The following AKAP5 variants were observed in gnomAD, a reference collection of about 807,000 sequenced individuals.
The protein encoded by AKAP5 is A-kinase anchoring protein 5.
AKAP5 carries 5 observed loss-of-function variants against 13.8 expected under a neutral mutation model. The ratio of observed to expected loss-of-function variants is 0.36; its 90% confidence interval spans 0.19 to 0.76. The LOEUF (loss-of-function observed/expected upper bound fraction) is 0.76. Ranked by LOEUF, AKAP5 falls within the 30% of genes least tolerant of loss-of-function variation. The pLI, the probability that AKAP5 is intolerant of heterozygous loss-of-function variation, is 0.51. For synonymous variants in AKAP5, 148 were observed against 167.2 expected, an observed-to-expected ratio of 0.89 and a Z score of 0.89; for missense variants, 406 against 484.4, an observed-to-expected ratio of 0.84 and a Z score of 1.52.
In AKAP5 at chr14:64,469,686, T is replaced by C; in HGVS notation, c.*8T>C. The C allele has an allele frequency of 6.5e-7, 1 of 1,533,562 alleles. No individual in the cohort carries two copies. The highest frequency in any genetic ancestry group is 8.8e-7 in the Non-Finnish European group (1 of 1,142,254). The allele number at this position is 1,533,562 out of a possible 1,614,324, so 95.0% of individuals were successfully genotyped here. ...AACAATCTTCTACAGTGACTTACTC[T>C]CCAGAGTCACGGCAGAAAAAACAAG... On this transcript the variant is annotated 3_prime_UTR_variant, in exon 2 of 2. Coordinates refer to ENST00000394718, the MANE Select transcript of AKAP5 (RefSeq NM_004857.3).
rs774740293 is a variant in AKAP5 at position 64,469,564 on chromosome 14, A to G, written c.1170A>G (p.Thr390=). ...FEDRTSEQYE[T]LLIETASSLV... Reference sequence around the variant, plus strand: ...ATAGAACTTCAGAACAATATGAAACACTCTTAATTGAAACAGCCTCTTCTC... The same window carrying G: ...ATAGAACTTCAGAACAATATGAAACGCTCTTAATTGAAACAGCCTCTTCTC... The change falls in exon 2 of 2, where the codon ACA becomes ACG. Residue 390 remains threonine (T), a synonymous_variant. Transcript: ENST00000394718. 2 of 1,613,772 alleles carry G rather than the reference A, an allele frequency of 1.2e-6. No individual in the cohort carries two copies. The highest frequency in any genetic ancestry group is 1.7e-6 in the Non-Finnish European group (2 of 1,179,896).
In AKAP5 at chr14:64,469,402, G is replaced by C. The variant is rs773564329; in HGVS notation, c.1008G>C (p.Glu336Asp). The C allele has an allele frequency of 2.5e-6, 4 of 1,613,800 alleles. No individual in the cohort carries two copies. The highest frequency in any genetic ancestry group is 2.5e-6 in the Non-Finnish European group (3 of 1,179,972). The change falls in exon 2 of 2, where the codon GAG (glutamate) becomes GAC (aspartate). Residue 336 changes from glutamate to aspartate, a missense_variant. Transcript: ENST00000394718. ...AATCAGAAGAAAGCAAAAGAATGGA[G>C]CCAATTGCTATTATTATTACAGACA... ...KSKSEESKRM[E>D]PIAIIITDTE...
In AKAP5 at chr14:64,469,172, C is replaced by G; in HGVS notation, c.778C>G (p.Pro260Ala). Residue 260 changes from proline (P) to alanine (A), a missense_variant, in exon 2 of 2, where the codon CCA becomes GCA. Transcript: ENST00000394718. ...AACTTCAGAAACAGACCATCAGCAG[C>G]CAGTACTTTCTGATGTTCCTCCTTT... Reference protein sequence around the residue: ...LETSETDHQQPVLSDVPPLPA... With the variant: ...LETSETDHQQAVLSDVPPLPA... The G allele has an allele frequency of 6.2e-7, 1 of 1,614,118 alleles. No individual in the cohort carries two copies. The highest frequency in any genetic ancestry group is 8.5e-7 in the Non-Finnish European group (1 of 1,180,036).
intron 1 of AKAP5, chr14:64,467,618 A>G (rs1596587121): frequency 6.6e-6 from 1 of 152,046 alleles, no homozygotes; most frequent in African/African-American, 2.4e-5. Flanking sequence ...CAAAGTCTCT[A>G]GTTCTAACTC....
At position 64,470,908 on chromosome 14, in the gene AKAP5, A is replaced by G. The variant is rs1011320325; in HGVS notation, c.*1230A>G. On this transcript the variant is annotated 3_prime_UTR_variant, in exon 2 of 2. Coordinates refer to ENST00000394718, the MANE Select transcript of AKAP5 (RefSeq NM_004857.3). The stretch of plus-strand genomic sequence containing the variant: ...GCCATATTCATCAACTTCTCTCCAA[A>G]GAGGGGAGAGTAGATTCAAAGCCAG... 15 of 167,028 alleles carry G rather than the reference A, an allele frequency of 9.0e-5. No individual in the cohort carries two copies. Among genetic ancestry groups the G allele is most frequent in the African/African-American group, 3.6e-4 (15 of 41,426 alleles). The allele number at this position is 167,028 out of a possible 1,614,324, so 10.3% of individuals were successfully genotyped here.
At chr14:64,467,222 A>C (rs1024621292) in intron 1 of AKAP5, 1 of 152,248 alleles carries the variant, frequency 6.6e-6, no homozygotes. Flanking sequence ...TCTTGTGTTA[A>C]TCTGAGCTCT....
Position 64,468,620 on chromosome 14 carries a change from C to CG in AKAP5, c.232dup (p.Ala78GlyfsTer27). 6.2e-7 allele frequency: 1 copy of CG among 1,613,840 alleles called. No homozygotes were observed. The stretch of plus-strand genomic sequence containing the variant: ...AGCTTCTGATCAGCCAGAGCCCACA[C>CG]GGGGGGCCTGGGCCTCACTCAAACG... On this transcript the variant is annotated frameshift_variant, in exon 2 of 2. Transcript: ENST00000394718. LOFTEE classifies it low-confidence loss of function (END_TRUNC).
chr14:64,468,612 A>G lies in AKAP5; in HGVS notation c.218A>G (p.Glu73Gly), dbSNP rs535755627. 6.2e-7 allele frequency: 1 copy of G among 1,613,926 alleles called. No homozygotes were observed. Among genetic ancestry groups the G allele is most frequent in the South Asian group, 1.1e-5 (1 of 91,090 alleles). The change falls in exon 2 of 2, where the codon GAG (glutamate) becomes GGG (glycine). Residue 73 changes from glutamate (E) to glycine (G), a missense_variant. Physicochemically the swap from Glu to Gly is moderately conservative, Grantham distance 98. Coordinates refer to ENST00000394718, the MANE Select transcript of AKAP5 (RefSeq NM_004857.3). ...PQEAGASDQP[E>G]PTRGAWASLK... ...GAAGCAGGAGCTTCTGATCAGCCAG[A>G]GCCCACACGGGGGGCCTGGGCCTCA...
chr14:64,470,791 G>A lies in AKAP5; in HGVS notation c.*1113G>A, dbSNP rs1472257157. 1 of 166,854 alleles carries A rather than the reference G, an allele frequency of 6.0e-6. No individual in the cohort carries two copies. The highest frequency in any genetic ancestry group is 1.9e-4 in the East Asian group (1 of 5,194). The allele number at this position is 166,854 out of a possible 1,614,324, so 10.3% of individuals were successfully genotyped here. ...TGAAACAGCAAAAACAAAACAAGGG[G>A]AATATTATTCTTCATCCAGGAGAAG... On this transcript the variant is annotated 3_prime_UTR_variant, in exon 2 of 2. Coordinates refer to ENST00000394718, the MANE Select transcript of AKAP5 (RefSeq NM_004857.3).
In AKAP5 at chr14:64,469,538, G is replaced by C; in HGVS notation, c.1144G>C (p.Asp382His). 1.9e-6 allele frequency: 3 copies of C among 1,613,940 alleles called. No individual in the cohort carries two copies. Among genetic ancestry groups the C allele is most frequent in the Non-Finnish European group, 1.7e-6 (2 of 1,179,976 alleles). Residue 382 changes from aspartate to histidine, a missense_variant, in exon 2 of 2, where the codon GAT becomes CAT. Coordinates refer to ENST00000394718, the MANE Select transcript of AKAP5 (RefSeq NM_004857.3). ...GVFANDNGFE[D>H]RTSEQYETLL... ...TTTTGCTAATGATAATGGTTTTGAG[G>C]ATAGAACTTCAGAACAATATGAAAC...
In AKAP5 at chr14:64,473,927, G is replaced by C. The variant is rs2078698059; in HGVS notation, c.*4249G>C. 6.0e-6 allele frequency: 1 copy of C among 166,594 alleles called. No individual in the cohort carries two copies. Among genetic ancestry groups the C allele is most frequent in the African/African-American group, 2.4e-5 (1 of 41,448 alleles). 10.3% of individuals were successfully genotyped at this position (166,594 alleles called of 1,614,324 possible). A position where few individuals can be genotyped will look rare whatever the true frequency, so the allele number is the denominator to read the frequency against. ...ACATTTTGAAAAGAAAATTTGTAAT[G>C]CTCCTTAGTTACAAAAATTAGAAGG... On this transcript the variant is annotated 3_prime_UTR_variant, in exon 2 of 2. Coordinates refer to ENST00000394718, the MANE Select transcript of AKAP5 (RefSeq NM_004857.3).
At chr14:64,467,462 T>C (rs1350106016) in intron 1 of AKAP5, 1 of 152,190 alleles carries the variant, frequency 6.6e-6, no homozygotes, top group Non-Finnish European at 1.5e-5. Context: ...TAAATGAAAA[T>C]GTCAAAATTG....
rs779494378 is a variant in AKAP5, at chr14:64,468,814, T to C, written c.420T>C (p.Asn140=). The change falls in exon 2 of 2, where the codon AAT becomes AAC. Residue 140 remains asparagine (N), a synonymous_variant. Coordinates refer to ENST00000394718, the MANE Select transcript of AKAP5 (RefSeq NM_004857.3). The stretch of plus-strand genomic sequence containing the variant: ...TCCCAAGAGGGCCAAAAAGGAGTAA[T>C]CATTCCAAAATTATAGAAGACTCAG... The part of the protein sequence containing the change: ...IKFPRGPKRS[N]HSKIIEDSDC... 2 of 1,614,150 alleles carry C rather than the reference T, an allele frequency of 1.2e-6. No homozygotes were observed. Among genetic ancestry groups the C allele is most frequent in the Middle Eastern group, 1.6e-4 (1 of 6,062 alleles).
At position 64,469,713 on chromosome 14, in the gene AKAP5, T is replaced by C; in HGVS notation, c.*35T>C. ...CAGAGTCACGGCAGAAAAAACAAGC[T>C]TAATGAAGAATTCTTTTATACATTT... is the stretch of plus-strand genomic sequence containing the variant. On this transcript the variant is annotated 3_prime_UTR_variant, in exon 2 of 2. Coordinates refer to ENST00000394718, the MANE Select transcript of AKAP5 (RefSeq NM_004857.3). 7.0e-7 allele frequency: 1 copy of C among 1,429,022 alleles called. No homozygotes were observed. Among genetic ancestry groups the C allele is most frequent in the South Asian group, 1.4e-5 (1 of 70,116 alleles). 88.5% of individuals were successfully genotyped at this position (1,429,022 alleles called of 1,614,324 possible).
At position 64,470,610 on chromosome 14, in the gene AKAP5, A is replaced by AAG. The variant is rs373420644; in HGVS notation, c.*932_*933insAG. 34,113 of 150,628 alleles carry AAG rather than the reference A, an allele frequency of 0.23. 4,552 individuals carry two copies. Among genetic ancestry groups the AAG allele is most frequent in the East Asian group, 0.38 (1,795 of 4,722 alleles). 9.3% of individuals were successfully genotyped at this position (150,628 alleles called of 1,614,324 possible). ...TTCTCAAAAAAAAAAAAAAAAAAAA[A>AAG]GAGAACCATTCACAAATCCTTCAAT... On this transcript the variant is annotated 3_prime_UTR_variant, in exon 2 of 2. Transcript: ENST00000394718.
rs772042344 is a variant in AKAP5, at chr14:64,471,790, T to C, written c.*2112T>C. On this transcript the variant is annotated 3_prime_UTR_variant, in exon 2 of 2. Transcript: ENST00000394718. ...GGAGGAAATAATGCACATTAGATGATTTTAAATGATCTGGGTGAATTCTTG... is the reference window on the plus strand; with the variant it reads ...GGAGGAAATAATGCACATTAGATGACTTTAAATGATCTGGGTGAATTCTTG... 4 of 167,024 alleles carry C rather than the reference T, an allele frequency of 2.4e-5. No homozygotes were observed. Among genetic ancestry groups the C allele is most frequent in the Non-Finnish European group, 5.9e-5 (4 of 68,090 alleles). 10.3% of individuals were successfully genotyped at this position (167,024 alleles called of 1,614,324 possible). A position where few individuals can be genotyped will look rare whatever the true frequency, so the allele number is the denominator to read the frequency against.
At chr14:64,465,871 CT>C (rs2078607714) in intron 1 of AKAP5, among the ~76,000 whole-genome samples, 1 of 152,132 alleles carries the variant, frequency 6.6e-6, no homozygotes, top group Non-Finnish European at 1.5e-5. Flanking sequence ...TTTTTTCCTT[CT>C]TTATCCCTCT....
At chr14:64,467,009 A>G (rs2078619064) in intron 1 of AKAP5, 2 of 152,194 alleles carry the variant, frequency 1.3e-5, no homozygotes, top group East Asian at 3.8e-4. Context: ...AGAATTTCAA[A>G]AGCTTGGTTT....
rs1287775315 is a variant in AKAP5, at chr14:64,471,946, C to T, written c.*2268C>T. 6.0e-6 allele frequency: 1 copy of T among 166,332 alleles called. No individual in the cohort carries two copies. The allele number at this position is 166,332 out of a possible 1,614,324, so 10.3% of individuals were successfully genotyped here. A position where few individuals can be genotyped will look rare whatever the true frequency, so the allele number is the denominator to read the frequency against. On this transcript the variant is annotated 3_prime_UTR_variant, in exon 2 of 2. Transcript: ENST00000394718. Reference sequence around the variant, plus strand: ...ATCTGACTTGGAAATTGAACCAAATCATGGATATTATTAGCAAGATTCTTT... The same window carrying T: ...ATCTGACTTGGAAATTGAACCAAATTATGGATATTATTAGCAAGATTCTTT...
Sources: allele counts gnomAD v4.1 joint callset (sites outside exome capture counted in the v4.1 genomes callset), GRCh38; gene constraint gnomAD v4.1.1; transcripts MANE v1.5; gene names NCBI Gene and HGNC (gene_info 2026-07-23, HGNC 2026-07-21).